ZNF562: variants seen among roughly 807,000 people sequenced by gnomAD.
ZNF562 encodes the protein zinc finger protein 562.
A neutral mutation model predicts 17.5 loss-of-function variants in ZNF562; 13 were observed. The ratio of observed to expected loss-of-function variants is 0.74; its 90% CI spans 0.48 to 1.18. The LOEUF (loss-of-function observed/expected upper bound fraction) is 1.18. Among genes scored for constraint, ZNF562 ranks in the 50% most tolerant of loss-of-function variants. ZNF562 has a pLI of 0.00. For synonymous variants in ZNF562, 163 were observed against 165.4 expected (o/e 0.99, Z 0.11); for missense variants, 481 against 498.5 (o/e 0.96, Z 0.33).
In ZNF562 at chr19:9,644,643, G is replaced by T. The variant is rs1432439322; in HGVS notation, c.*8306C>A. On this transcript the variant is annotated 3_prime_UTR_variant, in exon 6 of 6. Transcript: ENST00000453372. ...AGAAGGCAAGAGAGCCTGTCCAGGG[G>T]AACAGCTGCTTATAAAACTGACAGA... is the stretch of plus-strand genomic sequence containing the variant. 2 of 152,190 alleles carry T rather than the reference G, an allele frequency of 1.3e-5. No individual in the cohort carries two copies. The highest frequency in any genetic ancestry group is 2.9e-5 in the Non-Finnish European group (2 of 68,042). The allele number at this position is 152,190 out of a possible 1,614,324, so 9.4% of individuals were successfully genotyped here.
chr19:9,669,742 A>ACG lies in ZNF562; in HGVS notation c.-131+5272_-131+5273insCG, dbSNP rs2044102729. ...AGCGCGCGCGCGCGCGCGCACACAC[A>ACG]CACACACACACACACACACACACAC... On this transcript the variant is annotated intron_variant, in intron 1 of 5. Transcript: ENST00000453372. Among the ~76,000 whole-genome samples the ACG allele has an allele frequency of 6.3e-5, 9 of 141,920 alleles. No individual in the cohort carries two copies. In the South Asian group the frequency reaches 2.1e-3, roughly 33 times the overall value. The allele number at this position is 141,920 out of a possible 152,430, so 93.1% of individuals were successfully genotyped here. A position where few individuals can be genotyped will look rare whatever the true frequency, so the allele number is the denominator to read the frequency against.
intron 3 of ZNF562, among the ~76,000 whole-genome samples, chr19:9,658,672 T>A (rs2144989250): frequency 6.6e-6 from 1 of 152,176 alleles, no homozygotes; most frequent in South Asian, 2.1e-4. Flanking sequence ...TTAAAAAAAT[T>A]TTTAAATCTT....
intron 5 of ZNF562, among the ~76,000 whole-genome samples, chr19:9,654,434 G>A (rs1373605914): frequency 1.3e-5 from 2 of 152,128 alleles, no homozygotes; most frequent in Middle Eastern, 3.4e-3. Context: ...AGGACTAGAG[G>A]CATGCATCAT....
In ZNF562 at chr19:9,650,158, T is replaced by C. The variant is rs1212297565; in HGVS notation, c.*2791A>G. The C allele has an allele frequency of 1.3e-5, 2 of 152,136 alleles. No homozygotes were observed. The highest frequency in any genetic ancestry group is 4.8e-5 in the African/African-American group (2 of 41,430). 9.4% of individuals were successfully genotyped at this position (152,136 alleles called of 1,614,324 possible). On this transcript the variant is annotated 3_prime_UTR_variant, in exon 6 of 6. Coordinates refer to ENST00000453372, the MANE Select transcript of ZNF562 (RefSeq NM_001130031.2). ...AGAACTGCAAAGACAAGTATGCTGGTATTACTACTTTTAGTTGGTGTTGTG... is the reference window on the plus strand; with the variant it reads ...AGAACTGCAAAGACAAGTATGCTGGCATTACTACTTTTAGTTGGTGTTGTG...
At chr19:9,674,586 A>G (rs917286695) in intron 1 of ZNF562, 1 of 152,066 alleles carries the variant, frequency 6.6e-6, no homozygotes, top group African/African-American at 2.4e-5. Flanking sequence ...TAGCAAATAA[A>G]TGGAAGTCAC....
In ZNF562 at chr19:9,650,290, C is replaced by CT. The variant is rs1251463222; in HGVS notation, c.*2658dup. On this transcript the variant is annotated 3_prime_UTR_variant, in exon 6 of 6. Transcript: ENST00000453372. ...TCAGTCCAAAGTACTTAATATGATT[C>CT]TTTTCTCTTTCCACATAGAGAATCA... The CT allele has an allele frequency of 2.0e-5, 3 of 151,768 alleles. No homozygotes were observed. The highest frequency in any genetic ancestry group is 2.9e-5 in the Non-Finnish European group (2 of 67,990). The allele number at this position is 151,768 out of a possible 1,614,324, so 9.4% of individuals were successfully genotyped here.
At chr19:9,656,496 C>T (rs1392454621) in intron 5 of ZNF562, 51 bp downstream of exon 5, 19 of 1,597,116 alleles carry the variant, frequency 1.2e-5, no homozygotes, top group Non-Finnish European at 1.5e-5. Flanking sequence ...CAGAGCAAGA[C>T]TCCGTCTCAA....
At chr19:9,671,950 A>T (rs1291032521) in intron 1 of ZNF562, among the ~76,000 whole-genome samples, 1 of 152,216 alleles carries the variant, frequency 6.6e-6, no homozygotes, top group East Asian at 1.9e-4. Flanking sequence ...CATGAAGTAC[A>T]TACTGTCACC....
At chr19:9,671,945 A>G (rs1246422745) in intron 1 of ZNF562, among the ~76,000 whole-genome samples, 1 of 152,218 alleles carries the variant, frequency 6.6e-6, no homozygotes, top group Non-Finnish European at 1.5e-5. Context: ...CAAAGCATGA[A>G]GTACATACTG....
rs2074860065 is a variant in ZNF562 at position 9,650,993 on chromosome 19, T to C, written c.*1956A>G. ...AAAAAAAAAAAAAAATCCTGTGTTTTTAACCTCATTGATTTAAAATTAAAT... is the reference window on the plus strand; with the variant it reads ...AAAAAAAAAAAAAAATCCTGTGTTTCTAACCTCATTGATTTAAAATTAAAT... On this transcript the variant is annotated 3_prime_UTR_variant, in exon 6 of 6. Coordinates refer to ENST00000453372, the MANE Select transcript of ZNF562 (RefSeq NM_001130031.2). 6.8e-6 allele frequency: 1 copy of C among 147,564 alleles called. No individual in the cohort carries two copies. The highest frequency in any genetic ancestry group is 2.6e-5 in the African/African-American group (1 of 38,824). 9.1% of individuals were successfully genotyped at this position (147,564 alleles called of 1,614,324 possible). A position where few individuals can be genotyped will look rare whatever the true frequency, so the allele number is the denominator to read the frequency against.
chr19:9,654,947 C>T (rs747961290), intron 5 of ZNF562, among the ~76,000 whole-genome samples: 7 of 152,046 alleles, frequency 4.6e-5, no homozygotes, highest in Non-Finnish European at 1.0e-4. Context: ...TGCCAGAATT[C>T]TATGCCACTG....
At chr19:9,662,618 C>T (rs1011350585) in intron 1 of ZNF562, among the ~76,000 whole-genome samples, 7 of 151,790 alleles carry the variant, frequency 4.6e-5, no homozygotes, top group Admixed American at 1.3e-4. Context: ...CAGTGGCTCA[C>T]GCCTGTAATC....
At position 9,649,841 on chromosome 19, in the gene ZNF562, CA is replaced by C. The variant is rs1191714288; in HGVS notation, c.*3107del. 6 of 152,262 alleles carry C rather than the reference CA, an allele frequency of 3.9e-5. No homozygotes were observed. Among genetic ancestry groups the C allele is most frequent in the African/African-American group, 1.4e-4 (6 of 41,572 alleles). 9.4% of individuals were successfully genotyped at this position (152,262 alleles called of 1,614,324 possible). ...GATGTCTGTGACCCACACCTATTTG[CA>C]CACTCCCTCCCCTTTTGAAAATCCC... On this transcript the variant is annotated 3_prime_UTR_variant, in exon 6 of 6. Coordinates refer to ENST00000453372, the MANE Select transcript of ZNF562 (RefSeq NM_001130031.2).
In ZNF562 at chr19:9,656,643, G is replaced by A. The variant is rs764491772; in HGVS notation, c.252C>T (p.Phe84=). The A allele has an allele frequency of 6.2e-7, 1 of 1,613,592 alleles. No individual in the cohort carries two copies. Among genetic ancestry groups the A allele is most frequent in the South Asian group, 1.1e-5 (1 of 91,058 alleles). Residue 84 remains phenylalanine (F), a synonymous_variant, in exon 5 of 6, where the codon TTC becomes TTT. Coordinates refer to ENST00000453372, the MANE Select transcript of ZNF562 (RefSeq NM_001130031.2). Reference sequence around the variant, plus strand: ...GTATTTCCCATTCTGAAGTTAAGCAGAAAAAGAAATCTAAGGGTTTAGAGA... The same window carrying A: ...GTATTTCCCATTCTGAAGTTAAGCAAAAAAAGAAATCTAAGGGTTTAGAGA... ...YMNLASVDFF[F]CLTSEWEIQP... is the part of the protein sequence containing the mutation.
rs968669569 is a variant in ZNF562 at position 9,644,221 on chromosome 19, G to A, written c.*8728C>T. 6.6e-6 allele frequency: 1 copy of A among 152,054 alleles called. No homozygotes were observed. Among genetic ancestry groups the A allele is most frequent in the African/African-American group, 2.4e-5 (1 of 41,392 alleles). 9.4% of individuals were successfully genotyped at this position (152,054 alleles called of 1,614,324 possible). The stretch of plus-strand genomic sequence containing the variant: ...TTGTACTGCATCATAAAAAGATTTA[G>A]CAAGATTTGCTTCATTGTTAATACT... On this transcript the variant is annotated 3_prime_UTR_variant, in exon 6 of 6. Coordinates refer to ENST00000453372, the MANE Select transcript of ZNF562 (RefSeq NM_001130031.2).
intron 1 of ZNF562, among the ~76,000 whole-genome samples, chr19:9,673,573 C>T (rs1401589731): frequency 1.3e-5 from 2 of 152,030 alleles, no homozygotes; most frequent in Admixed American, 1.3e-4. Context: ...GCTGTGATTA[C>T]AGGTGTGAGC....
At chr19:9,658,647 T>A (rs1052418873) in intron 3 of ZNF562, among the ~76,000 whole-genome samples, 2 of 152,114 alleles carry the variant, frequency 1.3e-5, no homozygotes, top group African/African-American at 4.8e-5. Context: ...ACCATGCCCA[T>A]CTGAACAGTA....
rs2074830758 is a variant in ZNF562 at position 9,648,874 on chromosome 19, G to A, written c.*4075C>T. On this transcript the variant is annotated 3_prime_UTR_variant, in exon 6 of 6. Coordinates refer to ENST00000453372, the MANE Select transcript of ZNF562 (RefSeq NM_001130031.2). ...TCAGTAAATAAACATGATCATCACAGAGGATGTGAAGGAAGCATTTAATAA... is the reference window on the plus strand; with the variant it reads ...TCAGTAAATAAACATGATCATCACAAAGGATGTGAAGGAAGCATTTAATAA... 1 of 152,122 alleles carries A rather than the reference G, an allele frequency of 6.6e-6. No individual in the cohort carries two copies. The highest frequency in any genetic ancestry group is 1.5e-5 in the Non-Finnish European group (1 of 68,010). 9.4% of individuals were successfully genotyped at this position (152,122 alleles called of 1,614,324 possible). A position where few individuals can be genotyped will look rare whatever the true frequency, so the allele number is the denominator to read the frequency against.
rs1033743958 is a variant in ZNF562, at chr19:9,646,962, G to A, written c.*5987C>T. Reference sequence around the variant, plus strand: ...AATTTTATTTTTTGAATTTTTAGTAGAGACAAAAGTTTCACCGCATTGGCC... The same window carrying A: ...AATTTTATTTTTTGAATTTTTAGTAAAGACAAAAGTTTCACCGCATTGGCC... On this transcript the variant is annotated 3_prime_UTR_variant, in exon 6 of 6. Transcript: ENST00000453372. 4 of 151,488 alleles carry A rather than the reference G, an allele frequency of 2.6e-5. No homozygotes were observed. Among genetic ancestry groups the A allele is most frequent in the Non-Finnish European group, 5.9e-5 (4 of 67,900 alleles). 9.4% of individuals were successfully genotyped at this position (151,488 alleles called of 1,614,324 possible). A position where few individuals can be genotyped will look rare whatever the true frequency, so the allele number is the denominator to read the frequency against.
Sources: gnomAD v4.1 joint callset for allele counts (sites outside exome capture counted in the v4.1 genomes callset) on GRCh38, gnomAD v4.1.1 for gene constraint, MANE v1.5 for transcripts, NCBI Gene and HGNC (gene_info 2026-07-23, HGNC 2026-07-21) for gene names.